Variants in MAPKAP1 observed in about 807,000 individuals in gnomAD.
MAPKAP1 encodes the protein target of rapamycin complex 2 subunit MAPKAP1.
Under a neutral mutation model 65.7 loss-of-function variants are expected in MAPKAP1, and 20 were observed. That is an observed-to-expected ratio of 0.30 (90% CI 0.21 to 0.44). The LOEUF is 0.44. Among genes scored for constraint, MAPKAP1 ranks in the 20% least tolerant of loss-of-function variants. MAPKAP1 has a pLI of 1.00. For missense variants in MAPKAP1, 423 were observed against 648.0 expected (o/e 0.65, Z 3.77); for synonymous variants, 222 against 244.3 (o/e 0.91, Z 0.85).
intron 10 of MAPKAP1, among the ~76,000 whole-genome samples, chr9:125,458,349 C>G (rs970919867): frequency 6.6e-6 from 1 of 151,726 alleles, no homozygotes; most frequent in African/African-American, 2.4e-5. Flanking sequence ...TTTTCCTAGG[C>G]AGAGGACCCT....
At chr9:125,555,044 T>C (rs1338350262) in intron 6 of MAPKAP1, among the ~76,000 whole-genome samples, 1 of 152,200 alleles carries the variant, frequency 6.6e-6, no homozygotes, top group African/African-American at 2.4e-5. Context: ...CAAAACATCA[T>C]CTGTTACATT....
intron 4 of MAPKAP1, among the ~76,000 whole-genome samples, chr9:125,638,883 G>A (rs1260707672): frequency 6.6e-6 from 1 of 152,156 alleles, no homozygotes; most frequent in Non-Finnish European, 1.5e-5. Context: ...AACCCCTTCG[G>A]GAAAACATGG....
At chr9:125,492,671 G>T (rs975977016) in intron 8 of MAPKAP1, among the ~76,000 whole-genome samples, 1 of 152,106 alleles carries the variant, frequency 6.6e-6, no homozygotes, top group African/African-American at 2.4e-5. Context: ...AAACTGCATG[G>T]GACTTTAACA....
chr9:125,509,749 G>A (rs112852336), intron 7 of MAPKAP1, among the ~76,000 whole-genome samples: 2,171 of 152,178 alleles, frequency 0.014, 18 homozygotes, highest in South Asian at 0.041. Flanking sequence ...CTAAGGCCTG[G>A]CTGCATCAGG....
chr9:125,475,402 T>C (rs979827630), intron 9 of MAPKAP1, among the ~76,000 whole-genome samples: 7 of 152,218 alleles, frequency 4.6e-5, no homozygotes, highest in South Asian at 2.1e-4. Context: ...TGAGATCAAG[T>C]GGAGTTCTAG....
chr9:125,540,468 A>G (rs537869241), intron 7 of MAPKAP1, among the ~76,000 whole-genome samples: 55 of 152,374 alleles, frequency 3.6e-4, no homozygotes, highest in African/African-American at 1.3e-3. Context: ...AACCTCTGTG[A>G]TAACTACTGA....
At chr9:125,505,700 G>A (rs958564146) in intron 8 of MAPKAP1, among the ~76,000 whole-genome samples, 1 of 152,204 alleles carries the variant, frequency 6.6e-6, no homozygotes, top group African/African-American at 2.4e-5. Flanking sequence ...ATTCCAGGTG[G>A]AAGAAATAGC....
At chr9:125,640,948 A>G (rs1833560034) in intron 4 of MAPKAP1, among the ~76,000 whole-genome samples, 1 of 152,248 alleles carries the variant, frequency 6.6e-6, no homozygotes, top group Non-Finnish European at 1.5e-5. Context: ...GTTCTTCTGA[A>G]ATAGTATAAA....
chr9:125,509,444 T>C (rs1307282245), intron 7 of MAPKAP1, among the ~76,000 whole-genome samples: 1 of 152,244 alleles, frequency 6.6e-6, no homozygotes, highest in Non-Finnish European at 1.5e-5. Flanking sequence ...AAGGCCACTT[T>C]TGTAATTTAA....
At position 125,581,253 on chromosome 9, in the gene MAPKAP1, C is replaced by T. The variant is rs369487874; in HGVS notation, c.671+4302G>A. Among the ~76,000 whole-genome samples, 50 of 152,308 alleles carry T rather than the reference C, an allele frequency of 3.3e-4. 1 individual carries two copies. The South Asian group carries it at 9.5e-3, about 29-fold the overall frequency. On this transcript the variant is annotated intron_variant, in intron 5 of 11. Coordinates refer to ENST00000265960, the MANE Select transcript of MAPKAP1 (RefSeq NM_001006617.3). ...ATTGCTGGGTTGTATGGTAAATTCA[C>T]GTTTAGCTTTATAAGGAACTGCCAA...
Position 125,688,562 on chromosome 9 carries a change from C to T in MAPKAP1, c.-69-15919G>A, listed in dbSNP as rs142285853. 6.4e-3 allele frequency among the ~76,000 whole-genome samples: 974 copies of T among 152,160 alleles called. 15 individuals carry two copies. Among genetic ancestry groups the T allele is most frequent in the African/African-American group, 0.023 (937 of 41,504 alleles). On this transcript the variant is annotated intron_variant, in intron 1 of 11. Coordinates refer to ENST00000265960, the MANE Select transcript of MAPKAP1 (RefSeq NM_001006617.3). ...ATGTTCCACAACATACAATTTAAAT[C>T]GAATAATCAATTCTCAGCCCAGACA...
intron 4 of MAPKAP1, among the ~76,000 whole-genome samples, chr9:125,623,932 TG>T (rs1239429056): frequency 7.8e-5 from 1 of 12,756 alleles, no homozygotes; most frequent in African/African-American, 1.9e-4. Flanking sequence ...GGGAGGGAGA[TG>T]GGGGGGTCAG....
At chr9:125,652,097 C>G (rs150679200) in intron 4 of MAPKAP1, 9 of 1,258,044 alleles carry the variant, frequency 7.2e-6, no homozygotes, top group Non-Finnish European at 5.2e-6. Flanking sequence ...TTTCTTTTTA[C>G]GTGATTTCAA....
chr9:125,581,726 G>GT (rs1211382959), intron 5 of MAPKAP1, among the ~76,000 whole-genome samples: 1 of 151,510 alleles, frequency 6.6e-6, no homozygotes, highest in South Asian at 2.1e-4. Flanking sequence ...ATTTTCTCCT[G>GT]TTTTTTTCTT....
chr9:125,481,370 A>G (rs1005390233), intron 9 of MAPKAP1, among the ~76,000 whole-genome samples: 7 of 152,060 alleles, frequency 4.6e-5, no homozygotes, highest in African/African-American at 1.7e-4. Context: ...GATGATGCTC[A>G]CCTGGGCCCT....
intron 7 of MAPKAP1, among the ~76,000 whole-genome samples, chr9:125,532,574 T>C (rs1829963168): frequency 6.6e-6 from 1 of 152,214 alleles, no homozygotes; most frequent in East Asian, 1.9e-4. Context: ...ATCCCCACTT[T>C]GTGACATTGA....
At chr9:125,515,030 T>G (rs975653512) in intron 7 of MAPKAP1, among the ~76,000 whole-genome samples, 1 of 152,060 alleles carries the variant, frequency 6.6e-6, no homozygotes, top group Non-Finnish European at 1.5e-5. Context: ...CTGAACTATA[T>G]TCAAGTGACA....
chr9:125,493,533 GAAGTGTGATGC>G (rs995253141), intron 8 of MAPKAP1, among the ~76,000 whole-genome samples: 1 of 152,228 alleles, frequency 6.6e-6, no homozygotes, highest in Non-Finnish European at 1.5e-5. Context: ...TGGAACAAGT[GAAGTGTGATGC>G]AACACAGGTT....
intron 7 of MAPKAP1, among the ~76,000 whole-genome samples, chr9:125,529,214 A>G (rs1829866045): frequency 1.3e-5 from 2 of 151,858 alleles, no homozygotes; most frequent in Admixed American, 6.6e-5. Context: ...AGAAAAAAGA[A>G]AAGAAAATGG....
Sources: gnomAD v4.1 joint callset for allele counts (sites outside exome capture counted in the v4.1 genomes callset) on GRCh38, gnomAD v4.1.1 for gene constraint, MANE v1.5 for transcripts, NCBI Gene and HGNC (gene_info 2026-07-23, HGNC 2026-07-21) for gene names.